ARHGEF28: variants seen among roughly 807,000 people sequenced by gnomAD.
ARHGEF28 encodes 190 kDa guanine nucleotide exchange factor.
Under a neutral mutation model 206.6 loss-of-function variants are expected in ARHGEF28, and 152 were observed. The observed-to-expected ratio is 0.74, with a 90% CI of 0.64 to 0.84. The LOEUF (loss-of-function observed/expected upper bound fraction) is 0.84, where lower values mean the gene tolerates loss of function less well. ARHGEF28 is among the 40% of genes least tolerant of loss of function. The probability of loss-of-function intolerance (pLI) is 0.00; values close to 1 mark genes in which losing one functional copy is unlikely to be tolerated. For synonymous variants in ARHGEF28, 763 were observed against 776.4 expected, an observed-to-expected ratio of 0.98 and a Z score of 0.29; for missense variants, 2,028 against 2,073.2, an observed-to-expected ratio of 0.98 and a Z score of 0.42.
intron 6 of ARHGEF28, 81 bp from the exon 7 acceptor site, chr5:73,780,595 C>A: frequency 1.4e-6 from 2 of 1,382,296 alleles, no homozygotes; most frequent in South Asian, 2.5e-5. Context: ...TTGATAGTGA[C>A]TTTTGCCTCT....
intron 2 of ARHGEF28, among the ~76,000 whole-genome samples, chr5:73,720,807 C>T (rs1343530137): frequency 6.6e-6 from 1 of 152,158 alleles, no homozygotes; most frequent in Non-Finnish European, 1.5e-5. Context: ...GACATCCAAA[C>T]AACCCCACAA....
Position 73,795,404 on chromosome 5 carries a change from G to T in ARHGEF28, c.1024+13G>T, listed in dbSNP as rs770831702. 29 of 1,606,704 alleles carry T rather than the reference G, an allele frequency of 1.8e-5. No homozygotes were observed. Among genetic ancestry groups the T allele is most frequent in the Non-Finnish European group, 2.2e-5 (26 of 1,173,738 alleles). On this transcript the variant is annotated intron_variant, in intron 9 of 35. Transcript: ENST00000513042. ...AGCCTAGATTTGGGTATGAAATAACGCTTTTACCTATACTCGTAGGGGCAT... is the reference window on the plus strand; with the variant it reads ...AGCCTAGATTTGGGTATGAAATAACTCTTTTACCTATACTCGTAGGGGCAT...
At chr5:73,695,129 T>G (rs1409436710) in intron 2 of ARHGEF28, among the ~76,000 whole-genome samples, 1 of 152,124 alleles carries the variant, frequency 6.6e-6, no homozygotes, top group Non-Finnish European at 1.5e-5. Context: ...AAGGCCAGCA[T>G]GGCCCTTGCA....
intron 9 of ARHGEF28, among the ~76,000 whole-genome samples, chr5:73,831,772 A>G (rs1372255765): frequency 6.6e-6 from 1 of 152,254 alleles, no homozygotes; most frequent in African/African-American, 2.4e-5. Flanking sequence ...GCTCACCGCA[A>G]CGTCCACCTC....
intron 13 of ARHGEF28, among the ~76,000 whole-genome samples, chr5:73,849,514 G>A (rs747114773): frequency 1.2e-4 from 18 of 151,914 alleles, no homozygotes; most frequent in Non-Finnish European, 2.4e-4. Flanking sequence ...TTCTTTCTTT[G>A]TTTAGAAAGG....
chr5:73,702,111 A>G (rs2112288363), intron 2 of ARHGEF28, among the ~76,000 whole-genome samples: 1 of 152,334 alleles, frequency 6.6e-6, no homozygotes, highest in Non-Finnish European at 1.5e-5. Context: ...GTATCATTTT[A>G]CATTCCAACC....
chr5:73,927,409 A>G (rs1342304123), intron 35 of ARHGEF28, among the ~76,000 whole-genome samples: 4 of 152,202 alleles, frequency 2.6e-5, no homozygotes, highest in Non-Finnish European at 5.9e-5. Context: ...GTCACAGGTC[A>G]GATGTTGTCA....
At chr5:73,857,850 C>T in intron 15 of ARHGEF28, 71 bp downstream of exon 15, 1 of 1,501,964 alleles carries the variant, frequency 6.7e-7, no homozygotes, top group South Asian at 1.3e-5. Context: ...AGTATAATTT[C>T]CACTTTCCCT....
At chr5:73,742,638 C>G (rs1751503641) in intron 2 of ARHGEF28, among the ~76,000 whole-genome samples, 1 of 151,062 alleles carries the variant, frequency 6.6e-6, no homozygotes, top group African/African-American at 2.4e-5. Flanking sequence ...TCCTGGCTAA[C>G]AAGGTGAAAC....
At chr5:73,915,872 G>C in intron 35 of ARHGEF28, among the ~76,000 whole-genome samples, 1 of 152,214 alleles carries the variant, frequency 6.6e-6, no homozygotes, top group Middle Eastern at 3.4e-3. Context: ...TTCAGTTAAA[G>C]CATTATGATT....
intron 7 of ARHGEF28, among the ~76,000 whole-genome samples, chr5:73,792,045 A>C (rs955252071): frequency 1.3e-5 from 2 of 152,234 alleles, no homozygotes; most frequent in African/African-American, 4.8e-5. Context: ...ATTAGAATGA[A>C]TGCCAAATTC....
chr5:73,764,028 G>T (rs910567251), intron 4 of ARHGEF28, among the ~76,000 whole-genome samples: 5 of 152,182 alleles, frequency 3.3e-5, no homozygotes, highest in Non-Finnish European at 7.3e-5. Context: ...GTGTAAAACT[G>T]CTTAGTCCCC....
At chr5:73,766,083 T>C (rs2112432322) in intron 4 of ARHGEF28, among the ~76,000 whole-genome samples, 1 of 149,248 alleles carries the variant, frequency 6.7e-6, no homozygotes, top group South Asian at 2.1e-4. Flanking sequence ...ACCTGGGAGG[T>C]GGAGCTTGCA....
chr5:73,837,604 T>C (rs1249042151), intron 10 of ARHGEF28, among the ~76,000 whole-genome samples: 1 of 152,168 alleles, frequency 6.6e-6, no homozygotes, highest in Non-Finnish European at 1.5e-5. Context: ...ATATATATTA[T>C]GCTTTTATAT....
intron 9 of ARHGEF28, among the ~76,000 whole-genome samples, chr5:73,799,521 C>T (rs762802675): frequency 6.6e-6 from 1 of 152,126 alleles, no homozygotes; most frequent in Non-Finnish European, 1.5e-5. Flanking sequence ...GAACATGATG[C>T]TCCTGTTCTT....
At chr5:73,906,209 A>G (rs1277634359) in intron 33 of ARHGEF28, among the ~76,000 whole-genome samples, 1 of 152,066 alleles carries the variant, frequency 6.6e-6, no homozygotes, top group African/African-American at 2.4e-5. Context: ...ATGCATATTT[A>G]TATATCCTTC....
chr5:73,764,970 ACTCT>A (rs1361566848), intron 4 of ARHGEF28, among the ~76,000 whole-genome samples: 1 of 151,594 alleles, frequency 6.6e-6, no homozygotes, highest in Non-Finnish European at 1.5e-5. Flanking sequence ...TCTCTCTTCT[ACTCT>A]CTATGTAAAT....
At chr5:73,674,930 T>C (rs1489981153) in intron 1 of ARHGEF28, among the ~76,000 whole-genome samples, 2 of 152,168 alleles carry the variant, frequency 1.3e-5, no homozygotes, top group African/African-American at 2.4e-5. Flanking sequence ...CTTCACCCTA[T>C]GCATTTCTTC....
chr5:73,885,833 TTC>T lies in ARHGEF28; in HGVS notation c.3056-15_3056-14del. 1 of 1,591,702 alleles carries T rather than the reference TTC, an allele frequency of 6.3e-7. No homozygotes were observed. The highest frequency in any genetic ancestry group is 8.5e-7 in the Non-Finnish European group (1 of 1,172,046). ...TTGTATAGTATTTTTGTTTGTTTGTTTCTTTTTCCCACGCAGAAAGAACTGAG... is the reference window on the plus strand; with the variant it reads ...TTGTATAGTATTTTTGTTTGTTTGTTTTTTTCCCACGCAGAAAGAACTGAG... On this transcript the variant is annotated splice_polypyrimidine_tract_variant and intron_variant, in intron 24 of 35. Coordinates refer to ENST00000513042, the MANE Select transcript of ARHGEF28 (RefSeq NM_001177693.2).
Sources: gnomAD v4.1 joint callset for allele counts (sites outside exome capture counted in the v4.1 genomes callset) on GRCh38, gnomAD v4.1.1 for gene constraint, MANE v1.5 for transcripts, NCBI Gene and HGNC (gene_info 2026-07-23, HGNC 2026-07-21) for gene names.